RLF: variants seen among roughly 807,000 people sequenced by gnomAD.
RLF encodes the protein zinc finger protein Rlf.
A neutral mutation model predicts 162.9 loss-of-function variants in RLF; 7 were observed. The observed-to-expected ratio is 0.04, with a 90% confidence interval of 0.02 to 0.08. RLF has a LOEUF of 0.08. Ranked by LOEUF, RLF falls within the 10% of genes least tolerant of loss-of-function variation. The pLI is 1.00. For missense variants in RLF, 1,664 were observed against 2,244.7 expected (o/e 0.74, Z 5.23); for synonymous variants, 782 against 791.5 (o/e 0.99, Z 0.20).
Position 40,239,087 on chromosome 1 carries a change from CACA to C in RLF, c.4389_4391del (p.Gln1463del), listed in dbSNP as rs1643255995. On this transcript the variant is annotated inframe_deletion, in exon 8 of 8. Coordinates refer to ENST00000372771, the MANE Select transcript of RLF (RefSeq NM_012421.4). Reference sequence around the variant, plus strand: ...ATTTTCACCCATCGCAGTAATTACTCACAACATGTATATTACCGACATAAAGAC... The same window carrying C: ...ATTTTCACCCATCGCAGTAATTACTCACATGTATATTACCGACATAAAGAC... 6.2e-7 allele frequency: 1 copy of C among 1,613,962 alleles called. No individual in the cohort carries two copies. The highest frequency in any genetic ancestry group is 1.7e-5 in the Admixed American group (1 of 60,002).
At chr1:40,187,911 G>A (rs1369280517) in intron 1 of RLF, among the ~76,000 whole-genome samples, 1 of 152,100 alleles carries the variant, frequency 6.6e-6, no homozygotes, top group East Asian at 1.9e-4. Flanking sequence ...TTATTCTAGG[G>A]TAATGAATTC....
At chr1:40,201,060 CACACACA>C (rs1557748686) in intron 4 of RLF, among the ~76,000 whole-genome samples, 1 of 8,162 alleles carries the variant, frequency 1.2e-4, no homozygotes, top group African/African-American at 3.9e-4. Context: ...ACACCTCACA[CACACACA>C]CACCCCCCCC....
chr1:40,182,299 T>C (rs1642415378), intron 1 of RLF, among the ~76,000 whole-genome samples: 1 of 152,110 alleles, frequency 6.6e-6, no homozygotes, highest in African/African-American at 2.4e-5. Context: ...CCAGGCATGG[T>C]GGCGGGCGCC....
chr1:40,231,786 G>C (rs1220400247), intron 7 of RLF, 128 bp downstream of exon 7: 1 of 782,290 alleles, frequency 1.3e-6, no homozygotes, highest in African/African-American at 1.8e-5. Flanking sequence ...TAATGGAATT[G>C]ACCACATCTG....
chr1:40,177,890 A>C (rs1251569804), intron 1 of RLF: 1 of 152,166 alleles, frequency 6.6e-6, no homozygotes, highest in Admixed American at 6.5e-5. Flanking sequence ...AATATGGAGA[A>C]GATTAGCCTG....
intron 7 of RLF, among the ~76,000 whole-genome samples, chr1:40,231,906 A>G (rs189051388): frequency 4.9e-4 from 74 of 152,274 alleles, no homozygotes; most frequent in Non-Finnish European, 8.1e-4. Flanking sequence ...GTCTCCTGTC[A>G]CGTTAAGAAC....
chr1:40,193,159 C>T (rs922601073), intron 3 of RLF, among the ~76,000 whole-genome samples: 3 of 147,228 alleles, frequency 2.0e-5, no homozygotes, highest in Non-Finnish European at 4.5e-5. Context: ...GCATCTTGTG[C>T]TATTATTTCT....
chr1:40,189,007 CTGT>C, intron 1 of RLF, 45 bp from the exon 2 acceptor site: 1 of 1,297,216 alleles, frequency 7.7e-7, no homozygotes, highest in Non-Finnish European at 1.1e-6. Context: ...CAAAGACAAT[CTGT>C]TTCATTATTT....
intron 1 of RLF, among the ~76,000 whole-genome samples, chr1:40,171,344 CT>C (rs1174951164): frequency 6.6e-5 from 10 of 152,262 alleles, no homozygotes; most frequent in Non-Finnish European, 1.3e-4. Context: ...TCTCAGTATT[CT>C]TACTCCCAAG....
intron 1 of RLF, among the ~76,000 whole-genome samples, chr1:40,182,824 G>GA (rs1231275405): frequency 6.6e-6 from 1 of 152,068 alleles, no homozygotes; most frequent in Non-Finnish European, 1.5e-5. Flanking sequence ...CTGGCTTTAA[G>GA]AAAACCACCT....
Position 40,237,543 on chromosome 1 carries a change from T to G in RLF, c.2841T>G (p.Val947=). The G allele has an allele frequency of 2.5e-6, 4 of 1,614,152 alleles. No individual in the cohort carries two copies. The highest frequency in any genetic ancestry group is 3.4e-6 in the Non-Finnish European group (4 of 1,180,004). Reference sequence around the variant, plus strand: ...AAGAAAAATGTTCCAGTATGGCAGTTTGTTTTGACGGGACTAAGTTTACCT... The same window carrying G: ...AAGAAAAATGTTCCAGTATGGCAGTGTGTTTTGACGGGACTAAGTTTACCT... ...SLKEKCSSMA[V]CFDGTKFTCG... is the part of the protein sequence containing the mutation. The change falls in exon 8 of 8, where the codon GTT becomes GTG. Residue 947 remains valine, a synonymous_variant. Coordinates refer to ENST00000372771, the MANE Select transcript of RLF (RefSeq NM_012421.4). The surrounding 1 kb of genome is among the most constrained non-coding windows in gnomAD (Gnocchi z 4.4).
At chr1:40,223,269 C>G (rs1643020422) in intron 6 of RLF, among the ~76,000 whole-genome samples, 1 of 152,154 alleles carries the variant, frequency 6.6e-6, no homozygotes, top group African/African-American at 2.4e-5. Context: ...GTGGTTCTTT[C>G]ATTCTAACTG....
rs1432161488 is a variant in RLF, at chr1:40,238,504, A to G, written c.3802A>G (p.Thr1268Ala). The G allele has an allele frequency of 6.2e-7, 1 of 1,613,874 alleles. No homozygotes were observed. Among genetic ancestry groups the G allele is most frequent in the Non-Finnish European group, 8.5e-7 (1 of 1,180,014 alleles). Residue 1268 changes from threonine to alanine, a missense_variant, in exon 8 of 8, where the codon ACA (threonine) becomes GCA (alanine). By Grantham distance (58) the Thr-to-Ala change is moderately conservative. This residue lies in a region of RLF where 102 missense variants were observed against 109.5 expected (regional missense o/e 0.93). Transcript: ENST00000372771. This position sits in a 1 kb window ranked among gnomAD's most constrained non-coding sequence, Gnocchi z 5.2. The part of the protein sequence containing the change: ...ESSCEETESK[T>A]SDISSPIGSH... The stretch of plus-strand genomic sequence containing the variant: ...ATCTTGTGAAGAAACAGAAAGTAAA[A>G]CATCTGACATTTCATCACCAATAGG...
Position 40,222,594 on chromosome 1 carries a change from G to A in RLF, c.831G>A (p.Lys277=). 1 of 1,613,254 alleles carries A rather than the reference G, an allele frequency of 6.2e-7. No homozygotes were observed. The change falls in exon 6 of 8, where the codon AAG becomes AAA. Residue 277 remains lysine, a synonymous_variant. Coordinates refer to ENST00000372771, the MANE Select transcript of RLF (RefSeq NM_012421.4). ...AIKEIAKVDC[K]EVLDIICNLE... ...GATAGATTGCAAAGGTCGACTGCAA[G>A]GAAGTACTAGACATCATTTGTAATC...
intron 4 of RLF, among the ~76,000 whole-genome samples, chr1:40,200,854 A>T (rs1033192766): frequency 1.5e-5 from 2 of 135,864 alleles, no homozygotes; most frequent in Non-Finnish European, 3.1e-5. Context: ...CTTAGTATAA[A>T]CCATTGCTAC....
intron 1 of RLF, among the ~76,000 whole-genome samples, chr1:40,164,705 A>AT (rs1248148535): frequency 6.6e-6 from 1 of 152,134 alleles, no homozygotes; most frequent in African/African-American, 2.4e-5. Context: ...TGGTGTCTCT[A>AT]TTTGTAACAC....
intron 5 of RLF, among the ~76,000 whole-genome samples, chr1:40,217,734 T>C (rs1465040193): frequency 1.3e-5 from 2 of 152,078 alleles, no homozygotes; most frequent in Non-Finnish European, 2.9e-5. Context: ...ATTGCGCCAC[T>C]GCACTCCAGC....
intron 4 of RLF, 25 bp from the exon 5 acceptor site, chr1:40,202,387 C>A (rs1229121993): frequency 2.0e-6 from 3 of 1,489,504 alleles, no homozygotes; most frequent in East Asian, 2.4e-5. Flanking sequence ...TGTTGTCAAA[C>A]TGTTTTATTT....
Position 40,239,040 on chromosome 1 carries a change from T to C in RLF, c.4338T>C (p.Cys1446=). The C allele has an allele frequency of 6.2e-7, 1 of 1,614,238 alleles. No individual in the cohort carries two copies. The highest frequency in any genetic ancestry group is 8.5e-7 in the Non-Finnish European group (1 of 1,180,028). ...TACATTCAGATTATGAAATTCATTG[T>C]GATCTTAATGGCTGTGGCCAGATTT... ...GEIHSDYEIH[C]DLNGCGQIFT... Residue 1446 remains cysteine (C), a synonymous_variant, in exon 8 of 8, where the codon TGT becomes TGC. Transcript: ENST00000372771.
Sources: allele counts gnomAD v4.1 joint callset (sites outside exome capture counted in the v4.1 genomes callset), GRCh38; gene constraint gnomAD v4.1.1; regional missense constraint gnomAD v4.1.1; non-coding constraint Gnocchi (gnomAD v3.1); transcripts MANE v1.5; gene names NCBI Gene and HGNC (gene_info 2026-07-23, HGNC 2026-07-21).